The following SPATA17 variants were observed in gnomAD, a reference collection of about 807,000 sequenced individuals.
The protein encoded by SPATA17 is spermatogenesis associated 17, also known as spermatogenesis-associated protein 17.
SPATA17 carries 53 observed loss-of-function variants against 62.2 expected under a neutral mutation model. That is an observed-to-expected ratio of 0.85 (90% confidence interval 0.68 to 1.07). SPATA17 has a LOEUF of 1.07. SPATA17 is among the 50% of genes least tolerant of loss of function. The probability of loss-of-function intolerance (pLI) is 0.00; values close to 1 mark genes in which losing one functional copy is unlikely to be tolerated. For synonymous variants in SPATA17, 146 were observed against 146.8 expected (o/e 0.99, Z 0.04); for missense variants, 466 against 425.5 (o/e 1.10, Z -0.84).
intron 1 of SPATA17, among the ~76,000 whole-genome samples, chr1:217,643,855 A>G (rs1324856507): frequency 6.6e-6 from 1 of 151,760 alleles, no homozygotes; most frequent in African/African-American, 2.4e-5. Flanking sequence ...TAGCCTCCCA[A>G]GTAGCTGGGA....
chr1:217,860,078 C>G (rs1675867992), intron 9 of SPATA17, among the ~76,000 whole-genome samples: 1 of 152,114 alleles, frequency 6.6e-6, no homozygotes, highest in Non-Finnish European at 1.5e-5. Context: ...TGCTGCATCT[C>G]ACAAATCTGA....
intron 6 of SPATA17, among the ~76,000 whole-genome samples, chr1:217,751,213 T>C (rs1488798814): frequency 6.6e-6 from 1 of 152,214 alleles, no homozygotes; most frequent in Non-Finnish European, 1.5e-5. Context: ...AATTTAGATA[T>C]CTGTGGTAAC....
chr1:217,724,393 G>C (rs1672207960), intron 5 of SPATA17, among the ~76,000 whole-genome samples: 1 of 152,074 alleles, frequency 6.6e-6, no homozygotes, highest in Non-Finnish European at 1.5e-5. Flanking sequence ...TTGGAGACCA[G>C]CTTGGCCAAC....
chr1:217,797,124 G>T (rs1197794977), intron 8 of SPATA17, among the ~76,000 whole-genome samples: 1 of 151,934 alleles, frequency 6.6e-6, no homozygotes, highest in Non-Finnish European at 1.5e-5. Context: ...GAAATGCTTT[G>T]CCTTAAAAAA....
At chr1:217,679,870 T>A (rs1188432844) in intron 4 of SPATA17, among the ~76,000 whole-genome samples, 1 of 152,174 alleles carries the variant, frequency 6.6e-6, no homozygotes, top group Non-Finnish European at 1.5e-5. Context: ...TCAGCCAATT[T>A]CAGTTTTTTT....
chr1:217,668,480 C>T (rs1212154434), intron 3 of SPATA17, among the ~76,000 whole-genome samples: 2 of 151,992 alleles, frequency 1.3e-5, no homozygotes, highest in African/African-American at 4.8e-5. Context: ...TTAAATGAAA[C>T]AAAATTCCCA....
chr1:217,840,382 C>G (rs1675363223), intron 9 of SPATA17, among the ~76,000 whole-genome samples: 1 of 152,084 alleles, frequency 6.6e-6, no homozygotes, highest in Admixed American at 6.6e-5. Context: ...TGCATTATCA[C>G]TTTTAAGCCT....
At chr1:217,706,625 A>T (rs1427080138) in intron 5 of SPATA17, among the ~76,000 whole-genome samples, 2 of 152,208 alleles carry the variant, frequency 1.3e-5, no homozygotes, top group Non-Finnish European at 2.9e-5. Context: ...TTCCACAGTC[A>T]TGCAGAACTG....
rs1233898981 is a variant in SPATA17 at position 217,742,109 on chromosome 1, C to A, written c.519+11C>A. 4 of 1,613,520 alleles carry A rather than the reference C, an allele frequency of 2.5e-6. No individual in the cohort carries two copies. Among genetic ancestry groups the A allele is most frequent in the Non-Finnish European group, 3.4e-6 (4 of 1,179,718 alleles). On this transcript the variant is annotated intron_variant, in intron 6 of 10. Coordinates refer to ENST00000366933, the MANE Select transcript of SPATA17 (RefSeq NM_138796.4). ...CTCAGCACAAAGCAGGTTGGTTTACCTGTCCCTGACAGCTCCTGTAAGCCA... is the reference window on the plus strand; with the variant it reads ...CTCAGCACAAAGCAGGTTGGTTTACATGTCCCTGACAGCTCCTGTAAGCCA...
At chr1:217,781,432 T>G (rs1398348743) in intron 7 of SPATA17, 2 of 152,222 alleles carry the variant, frequency 1.3e-5, no homozygotes, top group African/African-American at 4.8e-5. Flanking sequence ...TGATTTGTAT[T>G]GTGCCTAATA....
At chr1:217,670,953 G>GAAA (rs71661748) in intron 4 of SPATA17, among the ~76,000 whole-genome samples, 3 of 87,132 alleles carry the variant, frequency 3.4e-5, no homozygotes, top group Admixed American at 1.4e-4. Flanking sequence ...TCCGTCTCAG[G>GAAA]AAAAAAAAAA....
chr1:217,787,194 T>C (rs1673892437), intron 8 of SPATA17, among the ~76,000 whole-genome samples: 1 of 152,134 alleles, frequency 6.6e-6, no homozygotes, highest in South Asian at 2.1e-4. Flanking sequence ...TAAAATTCCT[T>C]AACTTTAATT....
chr1:217,694,893 TA>T (rs1388907297), intron 5 of SPATA17, among the ~76,000 whole-genome samples: 2 of 141,888 alleles, frequency 1.4e-5, no homozygotes, highest in Admixed American at 1.4e-4. Flanking sequence ...CCTTTGAGGG[TA>T]ACCCGACCTT....
chr1:217,644,691 T>G (rs571506348), intron 1 of SPATA17, among the ~76,000 whole-genome samples: 1 of 152,186 alleles, frequency 6.6e-6, no homozygotes, highest in Non-Finnish European at 1.5e-5. Context: ...ATGATATACA[T>G]GAATATACTG....
chr1:217,807,409 G>GA (rs551317912), intron 9 of SPATA17, among the ~76,000 whole-genome samples: 29 of 149,866 alleles, frequency 1.9e-4, no homozygotes, highest in Non-Finnish European at 3.6e-4. Flanking sequence ...ACCCTGAAAT[G>GA]AAAAAAAAAT....
At chr1:217,699,493 T>G (rs1254781780) in intron 5 of SPATA17, among the ~76,000 whole-genome samples, 1 of 152,228 alleles carries the variant, frequency 6.6e-6, no homozygotes, top group African/African-American at 2.4e-5. Flanking sequence ...TATTTGCCAT[T>G]TGCATATACT....
intron 7 of SPATA17, among the ~76,000 whole-genome samples, chr1:217,778,472 G>T (rs182924971): frequency 3.3e-5 from 5 of 151,700 alleles, no homozygotes; most frequent in Admixed American, 2.6e-4. Context: ...AGTGAGCCGA[G>T]ATCACACCAT....
chr1:217,817,116 A>G (rs1674736998), intron 9 of SPATA17, among the ~76,000 whole-genome samples: 1 of 152,124 alleles, frequency 6.6e-6, no homozygotes, highest in African/African-American at 2.4e-5. Context: ...AGCCTGTTTA[A>G]ATACCATTAA....
At chr1:217,742,950 AT>A (rs1235829857) in intron 6 of SPATA17, among the ~76,000 whole-genome samples, 7 of 39,786 alleles carry the variant, frequency 1.8e-4, no homozygotes, top group Non-Finnish European at 5.8e-4. Flanking sequence ...CCAAATTAAA[AT>A]ATATATATAT....
Sources: allele counts gnomAD v4.1 joint callset (sites outside exome capture counted in the v4.1 genomes callset), GRCh38; gene constraint gnomAD v4.1.1; transcripts MANE v1.5; gene names NCBI Gene and HGNC (gene_info 2026-07-23, HGNC 2026-07-21).